The following CHCHD6 variants were observed in gnomAD, a reference collection of about 807,000 sequenced individuals.
CHCHD6 encodes MICOS complex subunit MIC25.
In CHCHD6, 28 loss-of-function variants were observed where a neutral mutation model predicts 32.3. The ratio of observed to expected loss-of-function variants is 0.87; its 90% confidence interval spans 0.64 to 1.19. The LOEUF is 1.19. Ranked by LOEUF, CHCHD6 falls within the 50% of genes most tolerant of loss-of-function variation. The pLI is 0.00. For synonymous variants in CHCHD6, 122 were observed against 117.5 expected (o/e 1.04, Z -0.25); for missense variants, 333 against 307.0 (o/e 1.08, Z -0.63).
rs144460289 is a variant in CHCHD6 at position 126,933,700 on chromosome 3, G to C, written c.566+18950G>C. 3.2e-4 allele frequency among the ~76,000 whole-genome samples: 48 copies of C among 152,278 alleles called. No individual in the cohort carries two copies. The East Asian group carries it at 8.9e-3, about 28-fold the overall frequency. ...CCTATGACCCAGACACCTCCCACCA[G>C]ACCCACCTCCAACACTGGGGAGTCA... On this transcript the variant is annotated intron_variant, in intron 6 of 7. Transcript: ENST00000290913.
intron 5 of CHCHD6, among the ~76,000 whole-genome samples, chr3:126,909,647 A>C (rs778912671): frequency 2.0e-5 from 3 of 152,224 alleles, no homozygotes; most frequent in Non-Finnish European, 2.9e-5. Context: ...TCAGATGTGC[A>C]TGTGGGGCAG....
intron 4 of CHCHD6, among the ~76,000 whole-genome samples, chr3:126,815,651 C>A (rs868186177): frequency 6.6e-5 from 10 of 150,736 alleles, no homozygotes; most frequent in East Asian, 5.9e-4. Flanking sequence ...TTGCCCCCCC[C>A]CCCCCATCTG....
chr3:126,848,891 C>T (rs568844993), intron 4 of CHCHD6, among the ~76,000 whole-genome samples: 19 of 152,124 alleles, frequency 1.2e-4, no homozygotes, highest in African/African-American at 4.3e-4. Context: ...CTATTTCTTC[C>T]CATATTTGAG....
intron 1 of CHCHD6, among the ~76,000 whole-genome samples, chr3:126,726,017 G>A (rs1418830347): frequency 6.6e-6 from 1 of 152,240 alleles, no homozygotes. Flanking sequence ...GTTCACAGGA[G>A]TAGCACATGT....
At chr3:126,799,245 T>C (rs1426376555) in intron 4 of CHCHD6, among the ~76,000 whole-genome samples, 1 of 152,190 alleles carries the variant, frequency 6.6e-6, no homozygotes, top group Non-Finnish European at 1.5e-5. Flanking sequence ...TGTCTCTAGC[T>C]GTACTCAACA....
intron 5 of CHCHD6, chr3:126,865,478 C>A: frequency 1.3e-6 from 1 of 744,330 alleles, no homozygotes; most frequent in Non-Finnish European, 1.6e-6. Context: ...CTTTCATCAA[C>A]TCCATCACCA....
intron 4 of CHCHD6, among the ~76,000 whole-genome samples, chr3:126,738,603 T>G (rs1936157703): frequency 1.3e-5 from 2 of 152,192 alleles, no homozygotes; most frequent in Admixed American, 1.3e-4. Flanking sequence ...TGAATGGTGA[T>G]TAAATGGCAG....
intron 4 of CHCHD6, among the ~76,000 whole-genome samples, chr3:126,838,345 G>T (rs1940943450): frequency 6.6e-6 from 1 of 152,184 alleles, no homozygotes; most frequent in Non-Finnish European, 1.5e-5. Flanking sequence ...CAGGTAGGTG[G>T]TTTTGGAAAG....
chr3:126,728,369 C>T (rs967313459), intron 2 of CHCHD6, among the ~76,000 whole-genome samples: 55 of 152,322 alleles, frequency 3.6e-4, no homozygotes, highest in African/African-American at 1.3e-3. Context: ...TGGGTGGGCA[C>T]TGCGAATGGG....
At chr3:126,861,584 C>G (rs1265742206) in intron 5 of CHCHD6, among the ~76,000 whole-genome samples, 1 of 151,656 alleles carries the variant, frequency 6.6e-6, no homozygotes, top group Non-Finnish European at 1.5e-5. Context: ...TCCTCATCCT[C>G]CATCACTACC....
intron 4 of CHCHD6, among the ~76,000 whole-genome samples, chr3:126,827,973 C>T (rs947712640): frequency 8.5e-5 from 13 of 152,114 alleles, no homozygotes; most frequent in African/African-American, 3.1e-4. Flanking sequence ...TCTGAACATC[C>T]TTCACCTATT....
chr3:126,913,025 G>T (rs1164902183), intron 5 of CHCHD6, among the ~76,000 whole-genome samples: 3 of 152,108 alleles, frequency 2.0e-5, no homozygotes, highest in African/African-American at 7.2e-5. Context: ...TGTGCCTGGT[G>T]GGCGGAGAGA....
In CHCHD6 at chr3:126,860,458, AG is replaced by A. The variant is rs879485890; in HGVS notation, c.495+7734del. Among the ~76,000 whole-genome samples, 245 of 148,560 alleles carry A rather than the reference AG, an allele frequency of 1.6e-3. 1 individual carries two copies. The highest frequency in any genetic ancestry group is 2.9e-3 in the Non-Finnish European group (190 of 66,336). On this transcript the variant is annotated intron_variant, in intron 5 of 7. Transcript: ENST00000290913. ...CGGGGCCTGTTGTGGGGTTGGGGAA[AG>A]GGGGGAGGGATAGCATTAGGAGATA...
chr3:126,803,245 T>C (rs185338175), intron 4 of CHCHD6, among the ~76,000 whole-genome samples: 2,690 of 152,074 alleles, frequency 0.018, 30 homozygotes, highest in Middle Eastern at 0.051. Flanking sequence ...GGGCTAAATG[T>C]TCCAATTAAA....
At chr3:126,789,331 A>G (rs562935325) in intron 4 of CHCHD6, among the ~76,000 whole-genome samples, 1 of 152,272 alleles carries the variant, frequency 6.6e-6, no homozygotes, top group Admixed American at 6.5e-5. Flanking sequence ...GTAGATGTCT[A>G]TTAGGTCCAC....
chr3:126,804,482 C>A (rs981430105), intron 4 of CHCHD6, among the ~76,000 whole-genome samples: 1 of 152,140 alleles, frequency 6.6e-6, no homozygotes, highest in South Asian at 2.1e-4. Context: ...ATAAATTCCT[C>A]GACACATACA....
chr3:126,953,595 C>CTG (rs2078746130), intron 6 of CHCHD6, among the ~76,000 whole-genome samples: 14 of 152,226 alleles, frequency 9.2e-5, no homozygotes, highest in African/African-American at 3.1e-4. Context: ...CAATTCTGTT[C>CTG]TTCTATGGGG....
At chr3:126,724,235 C>T (rs1306962786) in intron 1 of CHCHD6, among the ~76,000 whole-genome samples, 1 of 152,088 alleles carries the variant, frequency 6.6e-6, no homozygotes, top group African/African-American at 2.4e-5. Context: ...TGTGTGTTGT[C>T]AGGGGGCTCA....
chr3:126,898,254 A>G (rs2077869479), intron 5 of CHCHD6, among the ~76,000 whole-genome samples: 1 of 152,126 alleles, frequency 6.6e-6, no homozygotes, highest in Non-Finnish European at 1.5e-5. Flanking sequence ...AAAACTTGGG[A>G]AAGTTTGTTT....
Sources: allele counts gnomAD v4.1 joint callset (sites outside exome capture counted in the v4.1 genomes callset), GRCh38; gene constraint gnomAD v4.1.1; transcripts MANE v1.5; gene names NCBI Gene and HGNC (gene_info 2026-07-23, HGNC 2026-07-21).